Variants in CASR observed in about 807,000 individuals in gnomAD.
CASR encodes calcium sensing receptor, also known as extracellular calcium-sensing receptor.
Under a neutral mutation model 69.1 loss-of-function variants are expected in CASR, and 23 were observed. The ratio of observed to expected loss-of-function variants is 0.33; its 90% CI spans 0.24 to 0.47. The LOEUF (loss-of-function observed/expected upper bound fraction) is 0.47, where lower values mean the gene tolerates loss of function less well. CASR is among the 20% of genes least tolerant of loss of function. The pLI is 1.00. For missense variants in CASR, 924 were observed against 1,356.1 expected (o/e 0.68, Z 5.00); for synonymous variants, 541 against 544.7 (o/e 0.99, Z 0.10).
At chr3:122,202,405 G>A (rs1006459867) in intron 1 of CASR, among the ~76,000 whole-genome samples, 22 of 150,192 alleles carry the variant, frequency 1.5e-4, no homozygotes, top group Non-Finnish European at 2.2e-4. Flanking sequence ...GAGGGAGACC[G>A]TGGAAAGAGA....
At chr3:122,252,316 AAGAGAGAAAGAAAG>A (rs1379401163) in intron 1 of CASR, among the ~76,000 whole-genome samples, 3 of 146,186 alleles carry the variant, frequency 2.1e-5, no homozygotes, top group South Asian at 2.2e-4. Flanking sequence ...GAGAAAAAGG[AAGAGAGAAAGAAAG>A]AGAGAGAAAG....
At chr3:122,200,304 A>G (rs2073934492) in intron 1 of CASR, among the ~76,000 whole-genome samples, 9 of 152,252 alleles carry the variant, frequency 5.9e-5, no homozygotes, top group Admixed American at 5.2e-4. Context: ...CACATTGTAT[A>G]CATGTATTGA....
In CASR at chr3:122,284,634, G is replaced by C. The variant is rs200883282; in HGVS notation, c.2680G>C (p.Val894Leu). The C allele has an allele frequency of 1.9e-6, 3 of 1,614,020 alleles. No homozygotes were observed. Among genetic ancestry groups the C allele is most frequent in the South Asian group, 1.1e-5 (1 of 91,066 alleles). Reference sequence around the variant, plus strand: ...CCGGGCCACGCTGCGCCGCAGCAACGTCTCCCGCAAGCGGTCCAGCAGCCT... The same window carrying C: ...CCGGGCCACGCTGCGCCGCAGCAACCTCTCCCGCAAGCGGTCCAGCAGCCT... ...AARATLRRSN[V>L]SRKRSSSLGG... is the part of the protein sequence containing the mutation. The change falls in exon 7 of 7, where the codon GTC (valine) becomes CTC (leucine). Residue 894 changes from valine to leucine, a missense_variant. Val to Leu is a conservative substitution (Grantham distance 32). This residue lies in a region of CASR where 201 missense variants were observed against 228.8 expected (regional missense o/e 0.88). Transcript: ENST00000639785.
chr3:122,288,951 A>G lies in CASR; in HGVS notation c.*3760A>G, dbSNP rs1261486502. 1 of 152,220 alleles carries G rather than the reference A, an allele frequency of 6.6e-6. No homozygotes were observed. The highest frequency in any genetic ancestry group is 1.5e-5 in the Non-Finnish European group (1 of 68,046). 9.4% of individuals were successfully genotyped at this position (152,220 alleles called of 1,614,324 possible). ...GAAATTTAGAGGTGACGATCAGCAT[A>G]TAACATCAATACCCTGAAAGTCCCT... On this transcript the variant is annotated 3_prime_UTR_variant, in exon 7 of 7. Transcript: ENST00000639785.
intron 5 of CASR, among the ~76,000 whole-genome samples, chr3:122,280,737 G>A (rs1265495698): frequency 6.6e-6 from 1 of 152,132 alleles, no homozygotes; most frequent in Non-Finnish European, 1.5e-5. Flanking sequence ...ATTTCTGCTA[G>A]AAACAACGAC....
rs936252370 is a variant in CASR at position 122,286,560 on chromosome 3, C to T, written c.*1369C>T. On this transcript the variant is annotated 3_prime_UTR_variant, in exon 7 of 7. Coordinates refer to ENST00000639785, the MANE Select transcript of CASR (RefSeq NM_000388.4). ...TACAAAACAAAACATACATATTAAC[C>T]ATTCAGATTGTACTGCCTAGCCCAC... The T allele has an allele frequency of 2.6e-5, 4 of 152,106 alleles. No individual in the cohort carries two copies. Among genetic ancestry groups the T allele is most frequent in the Non-Finnish European group, 4.4e-5 (3 of 68,012 alleles). 9.4% of individuals were successfully genotyped at this position (152,106 alleles called of 1,614,324 possible). A position where few individuals can be genotyped will look rare whatever the true frequency, so the allele number is the denominator to read the frequency against.
chr3:122,284,855 C>A lies in CASR; in HGVS notation c.2901C>A (p.Ile967=), dbSNP rs199594582. 1.4e-4 allele frequency: 224 copies of A among 1,614,186 alleles called. 4 individuals are homozygous for A. In the South Asian group the frequency reaches 2.3e-3, roughly 17 times the overall value. Residue 967 remains isoleucine, a synonymous_variant, in exon 7 of 7, where the codon ATC becomes ATA. Coordinates refer to ENST00000639785, the MANE Select transcript of CASR (RefSeq NM_000388.4). The part of the protein sequence containing the change: ...QQQPRCKQKV[I]FGSGTVTFSL... ...AGCCCAGATGCAAGCAGAAGGTCAT[C>A]TTTGGCAGCGGCACGGTCACCTTCT... is the stretch of plus-strand genomic sequence containing the variant.
chr3:122,258,873 TC>T (rs1354895572), intron 3 of CASR, among the ~76,000 whole-genome samples: 1 of 152,070 alleles, frequency 6.6e-6, no homozygotes, highest in African/African-American at 2.4e-5. Flanking sequence ...AGCCTAGGTG[TC>T]GGGAGGTTTT....
At chr3:122,253,597 A>G (rs1361145346) in intron 1 of CASR, among the ~76,000 whole-genome samples, 2 of 152,234 alleles carry the variant, frequency 1.3e-5, no homozygotes, top group Non-Finnish European at 1.5e-5. Flanking sequence ...CTCTAATATT[A>G]TTATAACAAA....
intron 1 of CASR, among the ~76,000 whole-genome samples, chr3:122,194,563 T>TGTTAGTGTTTGCCTTGTGGTTC (rs1450142458): frequency 2.0e-5 from 3 of 152,208 alleles, no homozygotes; most frequent in Non-Finnish European, 4.4e-5. Context: ...CTGTGTGGTT[T>TGTTAGTGTTTGCCTTGTGGTTC]GTTAGTGTTT....
rs767003690 is a variant in CASR at position 122,262,062 on chromosome 3, G to A, written c.1027G>A (p.Val343Ile). 4.3e-6 allele frequency: 7 copies of A among 1,614,216 alleles called. No homozygotes were observed. The highest frequency in any genetic ancestry group is 5.9e-6 in the Non-Finnish European group (7 of 1,180,036). Residue 343 changes from valine (V) to isoleucine (I), a missense_variant, in exon 4 of 7, where the codon GTC becomes ATC. By Grantham distance (29) the Val-to-Ile change is conservative. Around this residue, in one of 8 missense-constraint regions of CASR, gnomAD observed 310 missense variants for 395.7 expected, o/e 0.78. Transcript: ENST00000639785. ...GAAGAAGGTCCATCCCAGGAAGTCTGTCCACAATGGTTTTGCCAAGGAGTT... is the reference window on the plus strand; with the variant it reads ...GAAGAAGGTCCATCCCAGGAAGTCTATCCACAATGGTTTTGCCAAGGAGTT... ...FLKKVHPRKS[V>I]HNGFAKEFWE... is the part of the protein sequence containing the mutation.
At position 122,269,173 on chromosome 3, in the gene CASR, G is replaced by A. The variant is rs566575952; in HGVS notation, c.1378-6639G>A. ...CCTTTTTATTTGTTTGCTTGTTTTT[G>A]TTTATTTCAGTTTAGAATTTAGATC... On this transcript the variant is annotated intron_variant, in intron 4 of 6. Transcript: ENST00000639785. Among the ~76,000 whole-genome samples the A allele has an allele frequency of 3.4e-4, 51 of 152,212 alleles. 1 individual carries two copies. The South Asian group carries it at 6.6e-3, about 20-fold the overall frequency.
At chr3:122,265,675 T>C (rs1399872095) in intron 4 of CASR, among the ~76,000 whole-genome samples, 2 of 152,236 alleles carry the variant, frequency 1.3e-5, no homozygotes, top group African/African-American at 2.4e-5. Flanking sequence ...TTCTAGGCTC[T>C]GTTTGGACAA....
chr3:122,262,426 T>A lies in CASR; in HGVS notation c.1377+14T>A. On this transcript the variant is annotated intron_variant, in intron 4 of 6. Coordinates refer to ENST00000639785, the MANE Select transcript of CASR (RefSeq NM_000388.4). ...GAGGCGTGGCAGGTGCGTCCTTCAC[T>A]TATATAGCAATTTGCTGTATAATAA... The A allele has an allele frequency of 6.2e-7, 1 of 1,607,766 alleles. No individual in the cohort carries two copies. The highest frequency in any genetic ancestry group is 8.5e-7 in the Non-Finnish European group (1 of 1,179,382).
At chr3:122,198,587 T>C (rs1053067191) in intron 1 of CASR, among the ~76,000 whole-genome samples, 1 of 152,088 alleles carries the variant, frequency 6.6e-6, no homozygotes, top group African/African-American at 2.4e-5. Context: ...TTTTATTTTT[T>C]GTTTCTTTTT....
intron 1 of CASR, among the ~76,000 whole-genome samples, chr3:122,226,724 T>TCC: frequency 6.6e-6 from 1 of 152,000 alleles, no homozygotes; most frequent in Non-Finnish European, 1.5e-5. Context: ...TTGGTGCATT[T>TCC]ACAAACCTTG....
chr3:122,211,134 C>T (rs2074060975), intron 1 of CASR, among the ~76,000 whole-genome samples: 1 of 152,006 alleles, frequency 6.6e-6, no homozygotes, highest in Non-Finnish European at 1.5e-5. Flanking sequence ...CTATCAAAAC[C>T]CTAGAGGAAA....
chr3:122,262,762 G>A (rs34408666), intron 4 of CASR, among the ~76,000 whole-genome samples: 16,527 of 152,144 alleles, frequency 0.11, 1,186 homozygotes, highest in Middle Eastern at 0.26. Flanking sequence ...TTGTGAGTAA[G>A]AAGTATTTTT....
chr3:122,218,448 C>T (rs543178719), intron 1 of CASR, among the ~76,000 whole-genome samples: 17 of 150,666 alleles, frequency 1.1e-4, no homozygotes, highest in African/African-American at 4.1e-4. Flanking sequence ...GCAGGAGAAT[C>T]GCTTGAACCA....
Sources: allele counts gnomAD v4.1 joint callset (sites outside exome capture counted in the v4.1 genomes callset), GRCh38; gene constraint gnomAD v4.1.1; regional missense constraint gnomAD v4.1.1; transcripts MANE v1.5; gene names NCBI Gene and HGNC (gene_info 2026-07-23, HGNC 2026-07-21).